TTC39C: variants seen among roughly 807,000 people sequenced by gnomAD.
The protein encoded by TTC39C is tetratricopeptide repeat domain 39C.
In TTC39C, 33 loss-of-function variants were observed where a neutral mutation model predicts 76.3. The ratio of observed to expected loss-of-function variants is 0.43; its 90% CI spans 0.33 to 0.58. The LOEUF (loss-of-function observed/expected upper bound fraction) is 0.58. Among genes scored for constraint, TTC39C ranks in the 20% least tolerant of loss-of-function variants. The probability of loss-of-function intolerance (pLI) is 0.04; values close to 1 mark genes in which losing one functional copy is unlikely to be tolerated. For synonymous variants in TTC39C, 254 were observed against 260.6 expected (o/e 0.97, Z 0.24); for missense variants, 595 against 701.4 (o/e 0.85, Z 1.71).
chr18:24,075,646 T>TG (rs2084295493), intron 4 of TTC39C, among the ~76,000 whole-genome samples: 1 of 138,882 alleles, frequency 7.2e-6, no homozygotes, highest in African/African-American at 2.7e-5. Flanking sequence ...ATAGTGCCAC[T>TG]GCACTGCAGC....
At chr18:24,008,061 C>T (rs2083367649) in intron 1 of TTC39C, among the ~76,000 whole-genome samples, 1 of 152,112 alleles carries the variant, frequency 6.6e-6, no homozygotes, top group African/African-American at 2.4e-5. Context: ...AGTAAAATTG[C>T]CCCAAATCAC....
intron 1 of TTC39C, among the ~76,000 whole-genome samples, chr18:24,055,620 G>A (rs1312066406): frequency 6.6e-6 from 1 of 152,112 alleles, no homozygotes; most frequent in African/African-American, 2.4e-5. Flanking sequence ...GGAGCTCTAT[G>A]TATTCTGGAT....
At chr18:24,093,478 C>CAAA (rs34863957) in intron 6 of TTC39C, among the ~76,000 whole-genome samples, 3 of 113,166 alleles carry the variant, frequency 2.7e-5, no homozygotes, top group African/African-American at 6.3e-5. Flanking sequence ...GACTCTGTCT[C>CAAA]AAAAAAAAAA....
intron 1 of TTC39C, chr18:24,020,390 C>T: frequency 2.5e-6 from 2 of 807,410 alleles, no homozygotes; most frequent in African/African-American, 1.9e-5. Context: ...GTGTAAGTCT[C>T]TGTAAGTGTG....
At chr18:24,084,764 C>T (rs1343051462) in intron 6 of TTC39C, among the ~76,000 whole-genome samples, 5 of 152,186 alleles carry the variant, frequency 3.3e-5, no homozygotes, top group Middle Eastern at 3.4e-3. Flanking sequence ...CAGGCTCAAG[C>T]GATCCTCCGA....
At chr18:24,113,428 C>T (rs1011655226) in intron 6 of TTC39C, 1 of 605,974 alleles carries the variant, frequency 1.7e-6, no homozygotes, top group Non-Finnish European at 2.9e-6. Context: ...CCTCCAGGAC[C>T]CTTCCAGCCC....
chr18:24,043,511 C>A (rs562539960), intron 1 of TTC39C, among the ~76,000 whole-genome samples: 1 of 152,292 alleles, frequency 6.6e-6, no homozygotes, highest in African/African-American at 2.4e-5. Context: ...TCAGGGTTTT[C>A]TGGTCATGAA....
At position 24,132,714 on chromosome 18, in the gene TTC39C, A is replaced by T; in HGVS notation, c.*140A>T. ...GGGACACATTTTCCCAGTTAAGCTG[A>T]CATATTAAAGATCTCCTCTTTTAAA... is the stretch of plus-strand genomic sequence containing the variant. On this transcript the variant is annotated 3_prime_UTR_variant, in exon 14 of 14. Coordinates refer to ENST00000317571, the MANE Select transcript of TTC39C (RefSeq NM_001135993.2). 1.7e-6 allele frequency: 1 copy of T among 590,510 alleles called. No homozygotes were observed. Among genetic ancestry groups the T allele is most frequent in the Non-Finnish European group, 2.9e-6 (1 of 347,448 alleles). 36.6% of individuals were successfully genotyped at this position (590,510 alleles called of 1,614,324 possible). A position where few individuals can be genotyped will look rare whatever the true frequency, so the allele number is the denominator to read the frequency against.
intron 1 of TTC39C, among the ~76,000 whole-genome samples, chr18:23,997,713 A>AGAAG (rs2083279642): frequency 1.1e-4 from 16 of 151,748 alleles, no homozygotes; most frequent in Admixed American, 9.8e-4. Flanking sequence ...AAAGAAAGAA[A>AGAAG]GAAAGAAAGA....
chr18:24,133,433 A>C lies in TTC39C; in HGVS notation c.*859A>C, dbSNP rs899776429. Reference sequence around the variant, plus strand: ...GACTCTTTTGCTAATCTATTAGCCTAGTCTATAGATTAGACAAACAGTATC... The same window carrying C: ...GACTCTTTTGCTAATCTATTAGCCTCGTCTATAGATTAGACAAACAGTATC... On this transcript the variant is annotated 3_prime_UTR_variant, in exon 14 of 14. Transcript: ENST00000317571. 6.6e-6 allele frequency: 1 copy of C among 152,242 alleles called. No individual in the cohort carries two copies. Among genetic ancestry groups the C allele is most frequent in the Non-Finnish European group, 1.5e-5 (1 of 68,046 alleles). The allele number at this position is 152,242 out of a possible 1,614,324, so 9.4% of individuals were successfully genotyped here.
At chr18:24,114,669 A>G in intron 7 of TTC39C, 22 bp downstream of exon 7, 2 of 1,567,286 alleles carry the variant, frequency 1.3e-6, no homozygotes, top group Non-Finnish European at 1.8e-6. Flanking sequence ...ATGTCTGTCC[A>G]GCCTCTTGTT....
At chr18:24,018,667 G>C (rs1386204285) in intron 1 of TTC39C, among the ~76,000 whole-genome samples, 1 of 152,046 alleles carries the variant, frequency 6.6e-6, no homozygotes, top group African/African-American at 2.4e-5. Context: ...CATTATGATG[G>C]GGTAGAAGAG....
chr18:24,013,319 A>G (rs1203336004), upstream of TTC39C, among the ~76,000 whole-genome samples: 4 of 152,230 alleles, frequency 2.6e-5, no homozygotes, highest in Non-Finnish European at 2.9e-5. Context: ...ACAGTTACAC[A>G]TGACACTTAA....
intron 1 of TTC39C, among the ~76,000 whole-genome samples, chr18:24,038,327 G>A (rs1233725441): frequency 6.6e-6 from 1 of 152,142 alleles, no homozygotes; most frequent in Non-Finnish European, 1.5e-5. Flanking sequence ...CAGTCGCCCA[G>A]GCTGGAGTGC....
chr18:24,111,296 C>T (rs1251844119), intron 6 of TTC39C, among the ~76,000 whole-genome samples: 2 of 152,092 alleles, frequency 1.3e-5, no homozygotes, highest in Admixed American at 6.6e-5. Flanking sequence ...ATGGGCTGGG[C>T]ACAGTGGCTC....
intron 6 of TTC39C, among the ~76,000 whole-genome samples, chr18:24,091,345 G>A (rs1218673051): frequency 6.6e-6 from 1 of 152,202 alleles, no homozygotes; most frequent in Non-Finnish European, 1.5e-5. Context: ...AGGAGGCTGA[G>A]GTGGTAGGAT....
intron 1 of TTC39C, among the ~76,000 whole-genome samples, chr18:24,008,949 G>A (rs1297751212): frequency 6.6e-6 from 1 of 152,156 alleles, no homozygotes; most frequent in Non-Finnish European, 1.5e-5. Flanking sequence ...TCACACAGGA[G>A]CAGAAAACCA....
intron 1 of TTC39C, among the ~76,000 whole-genome samples, chr18:24,041,388 A>C (rs1399511947): frequency 2.0e-5 from 3 of 152,172 alleles, no homozygotes; most frequent in Non-Finnish European, 4.4e-5. Flanking sequence ...CTTGTGTCTG[A>C]TGGAGCTCTA....
intron 4 of TTC39C, chr18:24,076,724 G>C (rs1420863706): frequency 1.3e-5 from 2 of 152,096 alleles, no homozygotes; most frequent in Non-Finnish European, 2.9e-5. Context: ...TATCATCTTT[G>C]ACTCAGTCAA....
Sources: allele counts gnomAD v4.1 joint callset (sites outside exome capture counted in the v4.1 genomes callset), GRCh38; gene constraint gnomAD v4.1.1; transcripts MANE v1.5; gene names NCBI Gene and HGNC (gene_info 2026-07-23, HGNC 2026-07-21).